The following SYNPR variants were observed in gnomAD, a reference collection of about 807,000 sequenced individuals.
The protein encoded by SYNPR is synaptoporin.
SYNPR carries 23 observed loss-of-function variants against 32.9 expected under a neutral mutation model. The ratio of observed to expected loss-of-function variants is 0.70; its 90% CI spans 0.50 to 0.99. The LOEUF is 0.99. Ranked by LOEUF, SYNPR falls within the 50% of genes least tolerant of loss-of-function variation. The pLI is 0.00. For synonymous variants in SYNPR, 146 were observed against 135.9 expected (o/e 1.07, Z -0.52); for missense variants, 318 against 349.3 (o/e 0.91, Z 0.71).
the SYNPR span, among the ~76,000 whole-genome samples, chr3:63,209,244 G>GT: frequency 5.3e-5 from 8 of 151,644 alleles, no homozygotes; most frequent in African/African-American, 1.9e-4. Context: ...CATGAACCCG[G>GT]GGGGCGGAGC....
chr3:63,257,360 A>G (rs1295304272), intron 2 of SYNPR, among the ~76,000 whole-genome samples: 2 of 152,270 alleles, frequency 1.3e-5, no homozygotes, highest in Admixed American at 1.3e-4. Flanking sequence ...CCAGACTAAC[A>G]GCAGATATCT....
At chr3:63,246,751 C>T (rs1028278985) in intron 1 of SYNPR, among the ~76,000 whole-genome samples, 2 of 151,942 alleles carry the variant, frequency 1.3e-5, no homozygotes, top group African/African-American at 2.4e-5. Context: ...AAATGCTGTA[C>T]GGGGCCTCAG....
At position 63,351,039 on chromosome 3, in the gene SYNPR, AT is replaced by A. The variant is rs201195352; in HGVS notation, c.84+72305del. Among the ~76,000 whole-genome samples, 10 of 151,758 alleles carry A rather than the reference AT, an allele frequency of 6.6e-5. No homozygotes were observed. The East Asian group carries it at 9.7e-4, about 15-fold the overall frequency. On this transcript the variant is annotated intron_variant, in intron 2 of 5. Coordinates refer to ENST00000478300, the MANE Select transcript of SYNPR (RefSeq NM_001130003.2). Reference sequence around the variant, plus strand: ...CTTATCAGACATTATGCTTTCTTGCATTTTTTTTCTCTAGTTAGTCCTATTT... The same window carrying A: ...CTTATCAGACATTATGCTTTCTTGCATTTTTTTCTCTAGTTAGTCCTATTT...
At position 63,270,618 on chromosome 3, in the gene SYNPR, T is replaced by C. The variant is rs547890040; in HGVS notation, n.287+3169T>C. On this transcript the variant is annotated intron_variant and non_coding_transcript_variant, in intron 3 of 4. Coordinates refer to the SYNPR transcript ENST00000478456. ...AAGGTATAAAATTTGTTCAAATTCT[T>C]GAGAAATATTGACTTCATACTTGGC... Among the ~76,000 whole-genome samples the C allele has an allele frequency of 7.9e-5, 12 of 152,268 alleles. No individual in the cohort carries two copies. The South Asian group carries it at 1.2e-3, about 16-fold the overall frequency.
chr3:63,489,640 A>C (rs79099631), intron 3 of SYNPR, among the ~76,000 whole-genome samples: 26,485 of 152,216 alleles, frequency 0.17, 2,462 homozygotes, highest in African/African-American at 0.22. Context: ...AGTAGACACG[A>C]CTGCTTCCCT....
intron 2 of SYNPR, among the ~76,000 whole-genome samples, chr3:63,361,315 C>T (rs943970707): frequency 3.3e-5 from 5 of 151,956 alleles, no homozygotes; most frequent in East Asian, 1.9e-4. Flanking sequence ...AGGCCAGGCT[C>T]GGTGGCTCAC....
chr3:63,281,477 T>G (rs796844410), intron 2 of SYNPR, among the ~76,000 whole-genome samples: 49 of 152,342 alleles, frequency 3.2e-4, no homozygotes, highest in African/African-American at 1.2e-3. Flanking sequence ...TTTCTCATAG[T>G]TCTGAATACT....
rs545097941 is a variant in SYNPR at position 63,477,638 on chromosome 3, A to T, written c.85-3194A>T. Among the ~76,000 whole-genome samples, 6 of 152,284 alleles carry T rather than the reference A, an allele frequency of 3.9e-5. No homozygotes were observed. The South Asian group carries it at 1.0e-3, about 26-fold the overall frequency. On this transcript the variant is annotated intron_variant, in intron 2 of 5. Coordinates refer to ENST00000478300, the MANE Select transcript of SYNPR (RefSeq NM_001130003.2). ...GTCTAAGCAGCTGGCTCCCATGCAC[A>T]GCTGCATGGCCAGCCTGCAAGGCCA...
At chr3:63,586,030 T>C (rs1703177407) in intron 4 of SYNPR, among the ~76,000 whole-genome samples, 1 of 152,106 alleles carries the variant, frequency 6.6e-6, no homozygotes, top group Non-Finnish European at 1.5e-5. Flanking sequence ...CTTCACATGA[T>C]AAGTGGGGAA....
intron 2 of SYNPR, among the ~76,000 whole-genome samples, chr3:63,465,201 C>T (rs898215281): frequency 6.6e-6 from 1 of 152,032 alleles, no homozygotes; most frequent in African/African-American, 2.4e-5. Context: ...TCCTTCATTT[C>T]ATTAAAATAT....
intron 2 of SYNPR, among the ~76,000 whole-genome samples, chr3:63,358,816 A>G (rs1249855687): frequency 6.6e-6 from 1 of 152,182 alleles, no homozygotes; most frequent in Non-Finnish European, 1.5e-5. Flanking sequence ...ATAGATAAGG[A>G]AACTAATCCT....
chr3:63,506,780 T>C (rs1267074478), intron 3 of SYNPR, among the ~76,000 whole-genome samples: 2 of 152,140 alleles, frequency 1.3e-5, no homozygotes, highest in Non-Finnish European at 2.9e-5. Flanking sequence ...GGTATAATCT[T>C]AAAAGGATCA....
intron 3 of SYNPR, among the ~76,000 whole-genome samples, chr3:63,504,291 G>T (rs552782875): frequency 6.6e-6 from 1 of 152,096 alleles, no homozygotes; most frequent in Non-Finnish European, 1.5e-5. Context: ...ATCTTGCAAA[G>T]AAAATCTCAA....
At chr3:63,575,176 C>A (rs1575719071) in intron 4 of SYNPR, among the ~76,000 whole-genome samples, 1 of 151,960 alleles carries the variant, frequency 6.6e-6, no homozygotes, top group African/African-American at 2.4e-5. Flanking sequence ...TTAACAGGAC[C>A]CAGAAAAGTT....
intron 4 of SYNPR, among the ~76,000 whole-genome samples, chr3:63,585,510 TG>T (rs2106868367): frequency 6.6e-6 from 1 of 151,852 alleles, no homozygotes; most frequent in South Asian, 2.1e-4. Flanking sequence ...CACAACATTT[TG>T]GGGGGTTGCA....
intron 1 of SYNPR, among the ~76,000 whole-genome samples, chr3:63,246,020 A>G (rs2086286517): frequency 6.6e-6 from 1 of 152,004 alleles, no homozygotes; most frequent in African/African-American, 2.4e-5. Context: ...GCTTATGAAA[A>G]GGAAAAAAGT....
intron 4 of SYNPR, among the ~76,000 whole-genome samples, chr3:63,582,492 G>T (rs1703109586): frequency 6.6e-6 from 1 of 152,030 alleles, no homozygotes; most frequent in Non-Finnish European, 1.5e-5. Context: ...CATATTATTG[G>T]ACTTTTGTCT....
intron 2 of SYNPR, among the ~76,000 whole-genome samples, chr3:63,395,722 G>A (rs937512584): frequency 3.3e-5 from 5 of 151,936 alleles, no homozygotes; most frequent in Non-Finnish European, 5.9e-5. Flanking sequence ...AGTATTGTAC[G>A]TATATACATA....
At chr3:63,349,016 T>C (rs1174926565) in intron 2 of SYNPR, among the ~76,000 whole-genome samples, 1 of 152,190 alleles carries the variant, frequency 6.6e-6, no homozygotes, top group African/African-American at 2.4e-5. Flanking sequence ...TCCATATGAA[T>C]AGATCTGTGA....
Sources: gnomAD v4.1 joint callset for allele counts (sites outside exome capture counted in the v4.1 genomes callset) on GRCh38, gnomAD v4.1.1 for gene constraint, MANE v1.5 for transcripts, NCBI Gene and HGNC (gene_info 2026-07-23, HGNC 2026-07-21) for gene names.